DNAAF9: variants seen among roughly 807,000 people sequenced by gnomAD.
DNAAF9 encodes the protein dynein axonemal assembly factor 9.
DNAAF9 carries 90 observed loss-of-function variants against 167.0 expected under a neutral mutation model. That is an observed-to-expected ratio of 0.54 (90% CI 0.45 to 0.64). The LOEUF is 0.64. Among genes scored for constraint, DNAAF9 ranks in the 30% least tolerant of loss-of-function variants. The probability of loss-of-function intolerance (pLI) is 0.00; values close to 1 mark genes in which losing one functional copy is unlikely to be tolerated. For synonymous variants in DNAAF9, 491 were observed against 508.8 expected (o/e 0.96, Z 0.47); for missense variants, 1,315 against 1,442.2 (o/e 0.91, Z 1.43).
At chr20:3,340,890 G>A (rs1265412340) in intron 9 of DNAAF9, among the ~76,000 whole-genome samples, 2 of 152,130 alleles carry the variant, frequency 1.3e-5, no homozygotes, top group Non-Finnish European at 2.9e-5. Context: ...TTTTCAGCAT[G>A]TCCCACTTTT....
At chr20:3,370,690 G>A (rs1229740527) in intron 6 of DNAAF9, among the ~76,000 whole-genome samples, 1 of 152,118 alleles carries the variant, frequency 6.6e-6, no homozygotes, top group Non-Finnish European at 1.5e-5. Flanking sequence ...TTACAGGCTT[G>A]AGCCACCGCG....
chr20:3,287,385 T>G (rs1013299338), intron 27 of DNAAF9, among the ~76,000 whole-genome samples: 4 of 152,244 alleles, frequency 2.6e-5, no homozygotes, highest in Non-Finnish European at 5.9e-5. Context: ...CCAGGTTCCC[T>G]AATTCCCCAC....
chr20:3,306,930 T>C (rs2069308590), intron 20 of DNAAF9: 1 of 985,244 alleles, frequency 1.0e-6, no homozygotes, highest in African/African-American at 1.7e-5. Flanking sequence ...AGGTAGAAAC[T>C]GCTCCTGCTG....
intron 20 of DNAAF9, among the ~76,000 whole-genome samples, chr20:3,307,714 G>A (rs2069325203): frequency 6.6e-6 from 1 of 152,080 alleles, no homozygotes; most frequent in Non-Finnish European, 1.5e-5. Flanking sequence ...GGTTGTCTTT[G>A]ATTGAGCTCT....
At chr20:3,342,378 T>A (rs1393323286) in intron 9 of DNAAF9, among the ~76,000 whole-genome samples, 1 of 152,192 alleles carries the variant, frequency 6.6e-6, no homozygotes, top group Non-Finnish European at 1.5e-5. Flanking sequence ...AATAACAGAT[T>A]TCTTTGTTAA....
At position 3,347,691 on chromosome 20, in the gene DNAAF9, G is replaced by A. The variant is rs2070222775; in HGVS notation, c.789+834C>T. Among the ~76,000 whole-genome samples, 2 of 152,178 alleles carry A rather than the reference G, an allele frequency of 1.3e-5. 1 individual carries two copies. The highest frequency in any genetic ancestry group is 4.1e-4 in the South Asian group (2 of 4,826). ...GCCTGTAATCTCAGCACTTTGGGGG[G>A]CTGAGGCGGGCGATTGAGATCAGGA... On this transcript the variant is annotated intron_variant, in intron 8 of 36. Transcript: ENST00000252032.
chr20:3,262,739 T>C (rs1407203781), intron 31 of DNAAF9, among the ~76,000 whole-genome samples: 1 of 152,166 alleles, frequency 6.6e-6, no homozygotes, highest in Non-Finnish European at 1.5e-5. Flanking sequence ...AGAGAGTCAG[T>C]GGCTGTAGCC....
At position 3,381,371 on chromosome 20, in the gene DNAAF9, A is replaced by G. The variant is rs765920430; in HGVS notation, c.283+8T>C. The G allele has an allele frequency of 1.2e-6, 2 of 1,603,640 alleles. No homozygotes were observed. Among genetic ancestry groups the G allele is most frequent in the East Asian group, 2.2e-5 (1 of 44,794 alleles). ...TCTATCACACAGAGTTTACCAATAT[A>G]TACTTACCATCTAGTACTTCTTCAG... On this transcript the variant is annotated splice_region_variant and intron_variant, in intron 3 of 36. Transcript: ENST00000252032.
intron 25 of DNAAF9, among the ~76,000 whole-genome samples, chr20:3,291,537 G>C (rs529598220): frequency 6.6e-6 from 1 of 151,996 alleles, no homozygotes; most frequent in African/African-American, 2.4e-5. Context: ...TAGAGACGGG[G>C]CTTCACCATG....
At chr20:3,278,887 G>A in intron 29 of DNAAF9, 25 bp downstream of exon 29, 1 of 1,523,782 alleles carries the variant, frequency 6.6e-7, no homozygotes, top group Non-Finnish European at 9.1e-7. Flanking sequence ...AGGCATGCAG[G>A]CTGAAAATAA....
intron 6 of DNAAF9, chr20:3,362,426 C>T (rs1376614709): frequency 4.7e-6 from 2 of 424,744 alleles, no homozygotes; most frequent in Admixed American, 8.4e-5. Flanking sequence ...TTTTACATTC[C>T]AATTTGCTTT....
At chr20:3,345,921 G>A (rs6037563) in intron 8 of DNAAF9, among the ~76,000 whole-genome samples, 29,836 of 151,572 alleles carry the variant, frequency 0.2, 3,140 homozygotes, top group African/African-American at 0.25. Context: ...GCGACAGAGC[G>A]ACACTCCATC....
chr20:3,319,552 C>T (rs1405356569), intron 16 of DNAAF9, among the ~76,000 whole-genome samples: 2 of 152,138 alleles, frequency 1.3e-5, no homozygotes, highest in African/African-American at 4.8e-5. Flanking sequence ...AAGGACCTGT[C>T]CCCTCCTACC....
intron 6 of DNAAF9, among the ~76,000 whole-genome samples, chr20:3,365,659 T>C (rs909821638): frequency 2.8e-4 from 42 of 152,226 alleles, no homozygotes; most frequent in African/African-American, 8.0e-4. Flanking sequence ...CCCAAAGTGC[T>C]GGGATTACAG....
At chr20:3,312,910 A>T (rs2069439371) in intron 20 of DNAAF9, among the ~76,000 whole-genome samples, 1 of 152,204 alleles carries the variant, frequency 6.6e-6, no homozygotes, top group Non-Finnish European at 1.5e-5. Context: ...CAACAAAGAA[A>T]GTTTAAAATT....
chr20:3,332,112 G>A (rs556405082), intron 11 of DNAAF9, among the ~76,000 whole-genome samples, 168 bp downstream of exon 11: 6 of 152,206 alleles, frequency 3.9e-5, no homozygotes, highest in Non-Finnish European at 8.8e-5. Context: ...TGTGAGAAAC[G>A]TGTTAGACAT....
intron 1 of DNAAF9, among the ~76,000 whole-genome samples, chr20:3,401,953 A>G (rs1268510918): frequency 6.6e-6 from 1 of 152,180 alleles, no homozygotes; most frequent in Non-Finnish European, 1.5e-5. Flanking sequence ...GAAATCCTTA[A>G]TCAGACTGTT....
intron 1 of DNAAF9, among the ~76,000 whole-genome samples, chr20:3,400,415 G>C (rs900658257): frequency 1.3e-5 from 2 of 151,464 alleles, no homozygotes; most frequent in African/African-American, 2.4e-5. Context: ...AAATGCACCA[G>C]GGTTATATGT....
chr20:3,293,658 C>T (rs1349399142), intron 25 of DNAAF9, among the ~76,000 whole-genome samples: 1 of 123,170 alleles, frequency 8.1e-6, no homozygotes, highest in East Asian at 2.4e-4. Flanking sequence ...GCACTCCAGC[C>T]TGGGTGACAA....
Sources: allele counts gnomAD v4.1 joint callset (sites outside exome capture counted in the v4.1 genomes callset), GRCh38; gene constraint gnomAD v4.1.1; transcripts MANE v1.5; gene names NCBI Gene and HGNC (gene_info 2026-07-23, HGNC 2026-07-21).